The following SLC9A9 variants were observed in gnomAD, a reference collection of about 807,000 sequenced individuals.
The protein encoded by SLC9A9 is sodium/hydrogen exchanger 9.
In SLC9A9, 62 loss-of-function variants were observed where a neutral mutation model predicts 77.8. The ratio of observed to expected loss-of-function variants is 0.80; its 90% CI spans 0.65 to 0.98. The LOEUF is 0.98. SLC9A9 is among the 50% of genes least tolerant of loss of function. The probability of loss-of-function intolerance (pLI) is 0.00; values close to 1 mark genes in which losing one functional copy is unlikely to be tolerated. For missense variants in SLC9A9, 775 were observed against 774.9 expected (o/e 1.00, Z 0.00); for synonymous variants, 320 against 283.5 (o/e 1.13, Z -1.29).
At chr3:143,416,768 G>A (rs1440580260) in intron 12 of SLC9A9, among the ~76,000 whole-genome samples, 1 of 152,088 alleles carries the variant, frequency 6.6e-6, no homozygotes, top group East Asian at 1.9e-4. Context: ...ACATCTGTAT[G>A]TATATTTGTA....
In SLC9A9 at chr3:143,441,834, T is replaced by TCATTCATCCATC. The variant is rs1553755021; in HGVS notation, c.1469+25202_1469+25203insGATGGATGAATG. ...TCTAGGCAGTGTGTCATTTACTCAT[T>TCATTCATCCATC]CATCCATCCATCCATCCATCCATCC... On this transcript the variant is annotated intron_variant, in intron 12 of 15. Transcript: ENST00000316549. Among the ~76,000 whole-genome samples the TCATTCATCCATC allele has an allele frequency of 9.3e-3, 1,210 of 129,696 alleles. 20 individuals carry two copies. The highest frequency in any genetic ancestry group is 0.011 in the African/African-American group (410 of 38,584). The allele number at this position is 129,696 out of a possible 152,430, so 85.1% of individuals were successfully genotyped here.
At chr3:143,302,572 T>C (rs551766076) in intron 14 of SLC9A9, among the ~76,000 whole-genome samples, 3 of 150,950 alleles carry the variant, frequency 2.0e-5, no homozygotes, top group East Asian at 1.9e-4. Flanking sequence ...AACAGCCAGA[T>C]AAGAAGGAAA....
intron 14 of SLC9A9, among the ~76,000 whole-genome samples, chr3:143,276,499 T>A (rs1938051938): frequency 6.6e-6 from 1 of 152,222 alleles, no homozygotes; most frequent in South Asian, 2.1e-4. Context: ...GCTTGTGATG[T>A]CAGTGCCATC....
At chr3:143,702,770 C>T (rs1034616100) in intron 4 of SLC9A9, among the ~76,000 whole-genome samples, 7 of 151,670 alleles carry the variant, frequency 4.6e-5, no homozygotes, top group Non-Finnish European at 7.4e-5. Context: ...CATAGAGTGG[C>T]TGAATGGATG....
chr3:143,534,775 G>A (rs779275295), intron 9 of SLC9A9, among the ~76,000 whole-genome samples: 1 of 152,110 alleles, frequency 6.6e-6, no homozygotes, highest in Non-Finnish European at 1.5e-5. Context: ...GCTGAATAGC[G>A]GGATCAAAAA....
At chr3:143,627,661 A>T (rs1379108141) in intron 6 of SLC9A9, 1 of 183,010 alleles carries the variant, frequency 5.5e-6, no homozygotes, top group African/African-American at 2.3e-5. Context: ...AGAGTGAGGC[A>T]ACCTTTTCAA....
intron 6 of SLC9A9, among the ~76,000 whole-genome samples, chr3:143,629,165 CTAAA>C (rs2038379802): frequency 6.6e-6 from 1 of 152,122 alleles, no homozygotes; most frequent in Non-Finnish European, 1.5e-5. Flanking sequence ...GGGGGAACCA[CTAAA>C]TAAATAAATG....
intron 14 of SLC9A9, among the ~76,000 whole-genome samples, chr3:143,345,997 T>G (rs147000839): frequency 6.6e-6 from 1 of 152,186 alleles, no homozygotes; most frequent in Non-Finnish European, 1.5e-5. Flanking sequence ...AAATGTCCTC[T>G]TTAAAGCTAC....
intron 4 of SLC9A9, among the ~76,000 whole-genome samples, chr3:143,701,895 G>A (rs541267026): frequency 4.6e-5 from 7 of 152,086 alleles, no homozygotes; most frequent in Non-Finnish European, 7.4e-5. Flanking sequence ...CAAGGATAAA[G>A]AAAGGACCCT....
chr3:143,813,530 C>A lies in SLC9A9; in HGVS notation c.379-16627G>T, dbSNP rs149345219. Among the ~76,000 whole-genome samples the A allele has an allele frequency of 8.9e-3, 1,361 of 152,264 alleles. 24 individuals are homozygous for A. Among genetic ancestry groups the A allele is most frequent in the African/African-American group, 0.031 (1,282 of 41,534 alleles). On this transcript the variant is annotated intron_variant, in intron 2 of 15. Transcript: ENST00000316549. ...TTAGCCTGCTTGATGAGTGAATCCC[C>A]TCTCTCTTCCTCCCGCTCCCAAACT...
At chr3:143,660,321 C>T (rs2038960018) in intron 5 of SLC9A9, among the ~76,000 whole-genome samples, 1 of 152,192 alleles carries the variant, frequency 6.6e-6, no homozygotes, top group Non-Finnish European at 1.5e-5. Context: ...ATCCAACACA[C>T]TGTTCTTGGC....
intron 5 of SLC9A9, among the ~76,000 whole-genome samples, 198 bp from the exon 6 acceptor site, chr3:143,652,558 T>G (rs2038815845): frequency 6.6e-6 from 1 of 152,086 alleles, no homozygotes; most frequent in Non-Finnish European, 1.5e-5. Flanking sequence ...AAAGATAAAA[T>G]TTGAGCTCCA....
chr3:143,400,377 C>T (rs1301423806), intron 12 of SLC9A9, among the ~76,000 whole-genome samples: 1 of 152,138 alleles, frequency 6.6e-6, no homozygotes, highest in African/African-American at 2.4e-5. Context: ...GAATTAATGG[C>T]ATCCGCAGGA....
chr3:143,400,909 G>C (rs1291149370), intron 12 of SLC9A9, among the ~76,000 whole-genome samples: 1 of 151,920 alleles, frequency 6.6e-6, no homozygotes, highest in Non-Finnish European at 1.5e-5. Context: ...TTGCATCCTA[G>C]GTACCTTGTT....
At chr3:143,396,042 G>A (rs78805441) in intron 12 of SLC9A9, among the ~76,000 whole-genome samples, 66,370 of 151,976 alleles carry the variant, frequency 0.44, 14,566 homozygotes, top group Admixed American at 0.47. Flanking sequence ...TCAGTGTGGC[G>A]ATTCCTCAGG....
chr3:143,289,506 T>C (rs1392086137), intron 14 of SLC9A9, among the ~76,000 whole-genome samples: 1 of 152,058 alleles, frequency 6.6e-6, no homozygotes, highest in Non-Finnish European at 1.5e-5. Context: ...GATCTGTTTC[T>C]CCCTCTCATG....
intron 11 of SLC9A9, among the ~76,000 whole-genome samples, chr3:143,481,791 T>C (rs1181915867): frequency 1.3e-5 from 2 of 152,152 alleles, no homozygotes; most frequent in African/African-American, 2.4e-5. Flanking sequence ...CCCCTTTACA[T>C]GGGGACTGGT....
intron 6 of SLC9A9, among the ~76,000 whole-genome samples, chr3:143,585,228 A>G (rs896224864): frequency 3.9e-5 from 6 of 152,276 alleles, no homozygotes; most frequent in Non-Finnish European, 4.4e-5. Context: ...AGGAGGTGAA[A>G]GGAAATTCCT....
chr3:143,679,088 G>A (rs1446170106), intron 5 of SLC9A9, among the ~76,000 whole-genome samples: 2 of 147,806 alleles, frequency 1.4e-5, no homozygotes, highest in Admixed American at 6.9e-5. Context: ...ATCTGGCAAT[G>A]GGCGGCTACA....
Sources: gnomAD v4.1 joint callset for allele counts (sites outside exome capture counted in the v4.1 genomes callset) on GRCh38, gnomAD v4.1.1 for gene constraint, MANE v1.5 for transcripts, NCBI Gene and HGNC (gene_info 2026-07-23, HGNC 2026-07-21) for gene names.